The following UNC5D variants were observed in gnomAD, a reference collection of about 807,000 sequenced individuals.
UNC5D encodes unc-5 netrin receptor D.
In UNC5D, 39 loss-of-function variants were observed where a neutral mutation model predicts 105.4. The observed-to-expected ratio is 0.37, with a 90% CI of 0.29 to 0.48. UNC5D has a LOEUF of 0.48. Ranked by LOEUF, UNC5D falls within the 20% of genes least tolerant of loss-of-function variation. UNC5D has a pLI of 0.98. For synonymous variants in UNC5D, 452 were observed against 450.4 expected (o/e 1.00, Z -0.04); for missense variants, 991 against 1,202.4 (o/e 0.82, Z 2.60).
chr8:35,570,336 T>G (rs895362759), intron 3 of UNC5D, among the ~76,000 whole-genome samples: 1 of 152,176 alleles, frequency 6.6e-6, no homozygotes, highest in African/African-American at 2.4e-5. Context: ...AAAAATTATT[T>G]CATCTCTGTG....
chr8:35,759,869 A>G (rs544400471), intron 14 of UNC5D, among the ~76,000 whole-genome samples: 141 of 152,236 alleles, frequency 9.3e-4, no homozygotes, highest in Non-Finnish European at 1.8e-3. Flanking sequence ...TCAGTGAGGA[A>G]CTTCTTAAGG....
intron 4 of UNC5D, among the ~76,000 whole-genome samples, chr8:35,620,183 C>T (rs936514491): frequency 2.0e-5 from 3 of 152,220 alleles, no homozygotes; most frequent in African/African-American, 7.2e-5. Context: ...TCCTTTACCT[C>T]CTTTGTACTT....
At chr8:35,378,872 A>T (rs913931132) in intron 1 of UNC5D, among the ~76,000 whole-genome samples, 23 of 152,176 alleles carry the variant, frequency 1.5e-4, no homozygotes, top group African/African-American at 5.5e-4. Context: ...CTCCTGTAGT[A>T]GCCTCAGTCA....
chr8:35,337,847 A>G (rs1168873057), intron 1 of UNC5D, among the ~76,000 whole-genome samples: 1 of 151,974 alleles, frequency 6.6e-6, no homozygotes, highest in Non-Finnish European at 1.5e-5. Flanking sequence ...AGTTATTACC[A>G]TCAAAGTTAT....
At chr8:35,250,778 T>G (rs937027288) in intron 1 of UNC5D, among the ~76,000 whole-genome samples, 79 of 152,184 alleles carry the variant, frequency 5.2e-4, no homozygotes, top group African/African-American at 1.9e-3. Context: ...ATTACAGGCA[T>G]GAACCACCGC....
rs540380811 is a variant in UNC5D at position 35,602,833 on chromosome 8, T to C, written c.570+7176T>C. 1.0e-4 allele frequency among the ~76,000 whole-genome samples: 15 copies of C among 150,572 alleles called. No homozygotes were observed. In the South Asian group the frequency reaches 3.2e-3, roughly 32 times the overall value. ...GTGCGCTGCACCCACTAACTCATCA[T>C]CTAGCATTAGGTATATCTCCCAGTG... is the stretch of plus-strand genomic sequence containing the variant. On this transcript the variant is annotated intron_variant, in intron 4 of 16. Transcript: ENST00000404895.
intron 16 of UNC5D, among the ~76,000 whole-genome samples, chr8:35,780,872 G>T (rs1329759915): frequency 1.3e-5 from 2 of 152,128 alleles, no homozygotes; most frequent in Non-Finnish European, 2.9e-5. Context: ...TCTGAATAAG[G>T]ATGTTTTTAT....
Position 35,278,340 on chromosome 8 carries a change from C to A in UNC5D, c.103+42453C>A, listed in dbSNP as rs73579067. Reference sequence around the variant, plus strand: ...AACCTTCCCAGGTGCACGCTTTCTTCACATTTAAAATGTCTTCATTAGGGT... The same window carrying A: ...AACCTTCCCAGGTGCACGCTTTCTTAACATTTAAAATGTCTTCATTAGGGT... On this transcript the variant is annotated intron_variant, in intron 1 of 16. Coordinates refer to ENST00000404895, the MANE Select transcript of UNC5D (RefSeq NM_080872.4). Among the ~76,000 whole-genome samples, 488 of 152,270 alleles carry A rather than the reference C, an allele frequency of 3.2e-3. 2 individuals are homozygous for A. Among genetic ancestry groups the A allele is most frequent in the African/African-American group, 0.011 (444 of 41,558 alleles).
chr8:35,660,712 G>A (rs1034860169), intron 4 of UNC5D, among the ~76,000 whole-genome samples: 10 of 152,210 alleles, frequency 6.6e-5, no homozygotes, highest in African/African-American at 2.4e-4. Flanking sequence ...CTAGGAAGGA[G>A]GAGTGGGAAT....
chr8:35,607,114 A>G (rs906965307), intron 4 of UNC5D, among the ~76,000 whole-genome samples: 55 of 152,180 alleles, frequency 3.6e-4, no homozygotes, highest in Non-Finnish European at 7.3e-5. Flanking sequence ...CTGTAACCAC[A>G]AGGAGGAGAG....
chr8:35,441,538 C>T (rs1469513830), intron 1 of UNC5D, among the ~76,000 whole-genome samples: 1 of 151,742 alleles, frequency 6.6e-6, no homozygotes, highest in Non-Finnish European at 1.5e-5. Flanking sequence ...CTTCCTTTTC[C>T]TGGTGGTGCC....
chr8:35,475,634 T>C (rs1349986328), intron 1 of UNC5D, among the ~76,000 whole-genome samples: 1 of 152,222 alleles, frequency 6.6e-6, no homozygotes, highest in Non-Finnish European at 1.5e-5. Flanking sequence ...TCAACACCTT[T>C]TTCCAGAATT....
At chr8:35,598,893 A>G (rs1022940055) in intron 4 of UNC5D, among the ~76,000 whole-genome samples, 1 of 152,186 alleles carries the variant, frequency 6.6e-6, no homozygotes, top group African/African-American at 2.4e-5. Flanking sequence ...CTGTAATCCC[A>G]GCACTTTGGG....
chr8:35,695,134 A>G (rs530540024), intron 7 of UNC5D, among the ~76,000 whole-genome samples: 7 of 152,184 alleles, frequency 4.6e-5, no homozygotes, highest in Non-Finnish European at 8.8e-5. Context: ...TCCGCTGTCA[A>G]AAAGAGTTTG....
chr8:35,428,881 T>C (rs2128973325), intron 1 of UNC5D, among the ~76,000 whole-genome samples: 1 of 152,122 alleles, frequency 6.6e-6, no homozygotes, highest in East Asian at 1.9e-4. Flanking sequence ...AAGGCTTTAT[T>C]GACTTTAAAC....
At chr8:35,708,902 C>A (rs1827769066) in intron 8 of UNC5D, among the ~76,000 whole-genome samples, 1 of 152,066 alleles carries the variant, frequency 6.6e-6, no homozygotes, top group Non-Finnish European at 1.5e-5. Flanking sequence ...CTTCTCTGTC[C>A]CTGTCCTTAA....
chr8:35,750,033 A>AAACTC (rs2131638866), intron 12 of UNC5D, among the ~76,000 whole-genome samples: 1 of 151,846 alleles, frequency 6.6e-6, no homozygotes, highest in African/African-American at 2.4e-5. Context: ...AAGATTTCTA[A>AAACTC]AACTCAACAT....
chr8:35,491,195 AG>A (rs1164369586), intron 1 of UNC5D, among the ~76,000 whole-genome samples: 5 of 152,308 alleles, frequency 3.3e-5, no homozygotes, highest in African/African-American at 1.2e-4. Flanking sequence ...GTATCAAAAA[AG>A]GACGTCCTTC....
intron 4 of UNC5D, among the ~76,000 whole-genome samples, chr8:35,654,694 T>C (rs1159261125): frequency 1.3e-5 from 2 of 152,204 alleles, no homozygotes; most frequent in African/African-American, 4.8e-5. Flanking sequence ...AAGATTTCTT[T>C]GCACATCTAT....
Sources: allele counts gnomAD v4.1 joint callset (sites outside exome capture counted in the v4.1 genomes callset), GRCh38; gene constraint gnomAD v4.1.1; transcripts MANE v1.5; gene names NCBI Gene and HGNC (gene_info 2026-07-23, HGNC 2026-07-21).